The following UNC13C variants were observed in gnomAD, a reference collection of about 807,000 sequenced individuals.
The protein encoded by UNC13C is unc-13 homolog C, also known as protein unc-13 homolog C.
Under a neutral mutation model 245.4 loss-of-function variants are expected in UNC13C, and 174 were observed. That is an observed-to-expected ratio of 0.71 (90% CI 0.63 to 0.80). The LOEUF (loss-of-function observed/expected upper bound fraction) is 0.80. Among genes scored for constraint, UNC13C ranks in the 30% least tolerant of loss-of-function variants. The probability of loss-of-function intolerance (pLI) is 0.00; values close to 1 mark genes in which losing one functional copy is unlikely to be tolerated. For missense variants in UNC13C, 2,829 were observed against 2,602.9 expected (o/e 1.09, Z -1.89); for synonymous variants, 992 against 895.1 (o/e 1.11, Z -1.93).
At chr15:54,121,440 A>G (rs1242954243) in intron 2 of UNC13C, among the ~76,000 whole-genome samples, 2 of 151,892 alleles carry the variant, frequency 1.3e-5, no homozygotes, top group African/African-American at 4.8e-5. Context: ...TCATTCCAAT[A>G]TTTGCTTTAT....
chr15:54,362,002 C>G (rs2039242877), intron 17 of UNC13C, among the ~76,000 whole-genome samples: 1 of 16,238 alleles, frequency 6.2e-5, no homozygotes, highest in Non-Finnish European at 1.1e-4. Flanking sequence ...ACATGAACAT[C>G]TGGGTTTGTA....
intron 26 of UNC13C, among the ~76,000 whole-genome samples, chr15:54,543,749 A>G (rs1896355268): frequency 6.6e-6 from 1 of 152,158 alleles, no homozygotes; most frequent in Non-Finnish European, 1.5e-5. Flanking sequence ...ACCCAGGAAG[A>G]AGTCAAATCC....
intron 29 of UNC13C, among the ~76,000 whole-genome samples, chr15:54,561,375 GT>G (rs1239651965): frequency 6.6e-6 from 1 of 152,002 alleles, no homozygotes; most frequent in Non-Finnish European, 1.5e-5. Context: ...ATATCATAAA[GT>G]TTTAGAGGAT....
At chr15:54,407,968 A>C (rs575940672) in intron 18 of UNC13C, among the ~76,000 whole-genome samples, 5 of 151,870 alleles carry the variant, frequency 3.3e-5, no homozygotes. Context: ...TTGGGAGGCC[A>C]AGGTGGGCAG....
the UNC13C span, among the ~76,000 whole-genome samples, chr15:53,894,697 G>A: frequency 1.3e-5 from 2 of 152,002 alleles, no homozygotes; most frequent in African/African-American, 2.4e-5. Context: ...ATGTCACTTT[G>A]GTTGGGTTTT....
chr15:54,558,238 A>G (rs1897166947), intron 29 of UNC13C, among the ~76,000 whole-genome samples: 1 of 152,068 alleles, frequency 6.6e-6, no homozygotes, highest in Non-Finnish European at 1.5e-5. Context: ...TGTACCCTAA[A>G]ACTTAAAGTA....
chr15:54,559,725 G>C (rs1897227715), intron 29 of UNC13C, among the ~76,000 whole-genome samples: 2 of 151,896 alleles, frequency 1.3e-5, no homozygotes, highest in African/African-American at 4.8e-5. Context: ...AGGATAAAGA[G>C]GGAAAAAACA....
In UNC13C at chr15:54,395,169, G is replaced by A. The variant is rs79905323; in HGVS notation, c.4847+1988G>A. Among the ~76,000 whole-genome samples, 654 of 151,668 alleles carry A rather than the reference G, an allele frequency of 4.3e-3. 29 individuals are homozygous for A. The East Asian group carries it at 0.09, about 21-fold the overall frequency. On this transcript the variant is annotated intron_variant, in intron 18 of 32. Coordinates refer to ENST00000260323, the MANE Select transcript of UNC13C (RefSeq NM_001080534.3). ...AACTTTTTTTCACATACTGAAGATC[G>A]TTCAATTTAGTTTCTCATTTAATTT...
intron 17 of UNC13C, among the ~76,000 whole-genome samples, chr15:54,376,182 G>T (rs2039602959): frequency 6.6e-6 from 1 of 151,920 alleles, no homozygotes; most frequent in Admixed American, 6.6e-5. Flanking sequence ...AAGGATAAAT[G>T]TACTTGTAGG....
intron 4 of UNC13C, among the ~76,000 whole-genome samples, chr15:54,210,795 C>T (rs753044117): frequency 3.9e-5 from 6 of 152,118 alleles, no homozygotes; most frequent in Non-Finnish European, 8.8e-5. Context: ...ACAGCATTGG[C>T]TTCTTGTTTG....
At chr15:54,214,409 C>T (rs1021076113) in intron 4 of UNC13C, among the ~76,000 whole-genome samples, 1 of 151,822 alleles carries the variant, frequency 6.6e-6, no homozygotes, top group East Asian at 1.9e-4. Context: ...TTATGTTTTT[C>T]GTTGCAGTCA....
At chr15:54,242,979 T>TC (rs1388949375) in intron 7 of UNC13C, among the ~76,000 whole-genome samples, 3 of 152,288 alleles carry the variant, frequency 2.0e-5, no homozygotes, top group African/African-American at 4.8e-5. Flanking sequence ...CTCTTTTTTT[T>TC]CCGTCAACTT....
chr15:54,085,395 A>T (rs1261570685), intron 2 of UNC13C, among the ~76,000 whole-genome samples: 1 of 152,106 alleles, frequency 6.6e-6, no homozygotes, highest in Non-Finnish European at 1.5e-5. Context: ...TAATCCCTAT[A>T]CTCAACCTTT....
chr15:54,481,268 C>T (rs955619964), intron 19 of UNC13C, among the ~76,000 whole-genome samples: 1 of 151,932 alleles, frequency 6.6e-6, no homozygotes, highest in African/African-American at 2.4e-5. Flanking sequence ...TTGGCAGTGG[C>T]AGTAGTGGTG....
chr15:53,886,224 C>A, the UNC13C span, among the ~76,000 whole-genome samples: 3 of 152,066 alleles, frequency 2.0e-5, no homozygotes, highest in Admixed American at 2.0e-4. Flanking sequence ...CATTCTCCAA[C>A]AAAAAGAAAT....
chr15:54,546,377 C>T (rs28570166), intron 26 of UNC13C, among the ~76,000 whole-genome samples: 1 of 151,804 alleles, frequency 6.6e-6, no homozygotes, highest in East Asian at 1.9e-4. Context: ...TAGATGTCGG[C>T]TTGATGGGTG....
the UNC13C span, among the ~76,000 whole-genome samples, chr15:53,853,165 C>G: frequency 6.6e-6 from 1 of 152,090 alleles, no homozygotes; most frequent in African/African-American, 2.4e-5. Context: ...TCCTGATGCT[C>G]TCTCTCCCCT....
chr15:54,602,369 G>T (rs1471372532), intron 30 of UNC13C, among the ~76,000 whole-genome samples: 1 of 152,164 alleles, frequency 6.6e-6, no homozygotes, highest in Non-Finnish European at 1.5e-5. Flanking sequence ...AGAATAGGAA[G>T]AAAATCCTCT....
chr15:54,136,972 G>A (rs1056044732), intron 2 of UNC13C, among the ~76,000 whole-genome samples: 5 of 152,026 alleles, frequency 3.3e-5, no homozygotes. Context: ...CAGTAGCTGG[G>A]AGTAGAGGTG....
Sources: allele counts gnomAD v4.1 joint callset (sites outside exome capture counted in the v4.1 genomes callset), GRCh38; gene constraint gnomAD v4.1.1; transcripts MANE v1.5; gene names NCBI Gene and HGNC (gene_info 2026-07-23, HGNC 2026-07-21).